RIT2: variants seen among roughly 807,000 people sequenced by gnomAD.
RIT2 encodes GTP-binding protein Rit2.
In RIT2, 24 loss-of-function variants were observed where a neutral mutation model predicts 23.7. That is an observed-to-expected ratio of 1.01 (90% CI 0.73 to 1.43). The LOEUF is 1.43. Among genes scored for constraint, RIT2 ranks in the 40% most tolerant of loss-of-function variants. The pLI is 0.00. For missense variants in RIT2, 236 were observed against 266.9 expected (o/e 0.88, Z 0.81); for synonymous variants, 107 against 91.1 (o/e 1.17, Z -0.99).
intron 4 of RIT2, among the ~76,000 whole-genome samples, chr18:42,790,600 T>C (rs1015313789): frequency 2.6e-5 from 4 of 152,176 alleles, no homozygotes; most frequent in Non-Finnish European, 4.4e-5. Flanking sequence ...AGCAAATTTT[T>C]GTATTTTTAG....
intron 1 of RIT2, among the ~76,000 whole-genome samples, chr18:43,078,918 T>C (rs1021650327): frequency 3.3e-5 from 5 of 152,150 alleles, no homozygotes; most frequent in East Asian, 3.8e-4. Context: ...GCAGGGACAC[T>C]GTAAAAGATG....
rs940821894 is a variant in RIT2, at chr18:43,081,542, A to G, written c.103+33875T>C. ...TGACTTCATATGTGCTCTTACCACT[A>G]TTCATCAGGAGTTCTCCACCTTGAG... On this transcript the variant is annotated intron_variant, in intron 1 of 4. Coordinates refer to ENST00000326695, the MANE Select transcript of RIT2 (RefSeq NM_002930.4). Among the ~76,000 whole-genome samples the G allele has an allele frequency of 3.9e-5, 6 of 152,268 alleles. No individual in the cohort carries two copies. In the East Asian group the frequency reaches 1.2e-3, roughly 29 times the overall value.
At chr18:42,822,199 G>A (rs1906171655) in intron 4 of RIT2, among the ~76,000 whole-genome samples, 1 of 152,088 alleles carries the variant, frequency 6.6e-6, no homozygotes, top group South Asian at 2.1e-4. Context: ...GTTTGAAACT[G>A]TTTTATTTTT....
intron 3 of RIT2, among the ~76,000 whole-genome samples, chr18:42,937,051 G>C (rs1313952353): frequency 6.6e-6 from 1 of 151,470 alleles, no homozygotes; most frequent in Non-Finnish European, 1.5e-5. Context: ...TGACTTGAGG[G>C]AACCACAAAC....
In RIT2 at chr18:43,115,541, A is replaced by G. The variant is rs1011517877; in HGVS notation, c.-22T>C. ...CCATCTTACCCGAGGGACCGGAGGA[A>G]AAAAAGAAGGAGAAAGTCACCCGTG... On this transcript the variant is annotated 5_prime_UTR_variant, in exon 1 of 5. Transcript: ENST00000326695. The G allele has an allele frequency of 5.0e-6, 8 of 1,601,548 alleles. No homozygotes were observed. Among genetic ancestry groups the G allele is most frequent in the Non-Finnish European group, 6.8e-6 (8 of 1,176,668 alleles).
At chr18:43,094,114 G>GTTTTT (rs796958736) in intron 1 of RIT2, among the ~76,000 whole-genome samples, 2 of 63,486 alleles carry the variant, frequency 3.2e-5, no homozygotes, top group Non-Finnish European at 7.5e-5. Context: ...GTATTAGTGG[G>GTTTTT]TTTTTTTTGT....
rs1163795867 is a variant in RIT2 at position 42,995,592 on chromosome 18, C to T, written c.161-21445G>A. On this transcript the variant is annotated intron_variant, in intron 2 of 4. Transcript: ENST00000326695. ...TTCAGCGAAACCTTTATATCCCTTACAGTCCTCAGTCTTCAGGAAAGGTAC... is the reference window on the plus strand; with the variant it reads ...TTCAGCGAAACCTTTATATCCCTTATAGTCCTCAGTCTTCAGGAAAGGTAC... 2.0e-5 allele frequency among the ~76,000 whole-genome samples: 3 copies of T among 152,174 alleles called. No homozygotes were observed. The East Asian group carries it at 5.8e-4, about 29-fold the overall frequency.
chr18:42,889,150 T>A, intron 4 of RIT2, among the ~76,000 whole-genome samples: 1 of 152,208 alleles, frequency 6.6e-6, no homozygotes, highest in East Asian at 1.9e-4. Context: ...GTCAATTGTA[T>A]CTGTTATATA....
At chr18:43,064,098 G>A (rs1912716129) in intron 1 of RIT2, among the ~76,000 whole-genome samples, 1 of 152,142 alleles carries the variant, frequency 6.6e-6, no homozygotes, top group Non-Finnish European at 1.5e-5. Flanking sequence ...ATTCAATAAG[G>A]TCTGATAAAG....
intron 4 of RIT2, among the ~76,000 whole-genome samples, chr18:42,814,616 T>G (rs533532173): frequency 4.1e-4 from 62 of 152,208 alleles, no homozygotes; most frequent in Non-Finnish European, 7.8e-4. Context: ...CCCTCATCTG[T>G]TGGTCCTCTC....
At chr18:42,993,815 C>T (rs1438292733) in intron 2 of RIT2, among the ~76,000 whole-genome samples, 5 of 152,064 alleles carry the variant, frequency 3.3e-5, no homozygotes, top group Non-Finnish European at 7.4e-5. Context: ...CGATCATGCA[C>T]CCCTTACCAT....
chr18:43,098,697 C>A (rs1341159120), intron 1 of RIT2, among the ~76,000 whole-genome samples: 1 of 151,904 alleles, frequency 6.6e-6, no homozygotes. Context: ...TATAAGAATT[C>A]ATTGGAAGCC....
At chr18:42,920,712 G>C (rs769313125) in intron 4 of RIT2, 8 of 1,594,912 alleles carry the variant, frequency 5.0e-6, no homozygotes, top group South Asian at 2.2e-5. Context: ...ATGAAAAGAA[G>C]CAGCTTCAAC....
rs888006759 is a variant in RIT2 at position 42,789,859 on chromosome 18, T to C, written c.427-46139A>G. On this transcript the variant is annotated intron_variant, in intron 4 of 4. Transcript: ENST00000326695. ...TCTGGCTAGGACTTCCAGTACTATG[T>C]TGAACAGGAGTGGGGAAAGTAGGCA... Among the ~76,000 whole-genome samples, 3 of 152,332 alleles carry C rather than the reference T, an allele frequency of 2.0e-5. 1 individual carries two copies. The East Asian group carries it at 5.8e-4, about 29-fold the overall frequency.
intron 4 of RIT2, among the ~76,000 whole-genome samples, chr18:42,896,195 T>C (rs376391940): frequency 3.3e-5 from 5 of 152,186 alleles, no homozygotes; most frequent in East Asian, 1.9e-4. Flanking sequence ...ACCTGGGAGG[T>C]GGATGTTGCA....
chr18:42,990,912 G>GTTTTTTTTTTTT, intron 2 of RIT2, among the ~76,000 whole-genome samples: 1 of 133,124 alleles, frequency 7.5e-6, no homozygotes, highest in Non-Finnish European at 1.6e-5. Context: ...CACTGGTTTT[G>GTTTTTTTTTTTT]TTTTTTTTTT....
At chr18:42,934,533 C>T (rs1026940470) in intron 3 of RIT2, among the ~76,000 whole-genome samples, 4 of 151,906 alleles carry the variant, frequency 2.6e-5, no homozygotes, top group Non-Finnish European at 5.9e-5. Flanking sequence ...TGTGAGATGC[C>T]TCAAGATGGA....
intron 2 of RIT2, among the ~76,000 whole-genome samples, chr18:42,996,751 A>G (rs1910993981): frequency 6.6e-6 from 1 of 152,072 alleles, no homozygotes; most frequent in African/African-American, 2.4e-5. Context: ...CCAGGTGATT[A>G]AAAGCTTTAT....
At chr18:42,910,463 G>A (rs894567908) in intron 4 of RIT2, among the ~76,000 whole-genome samples, 1 of 152,074 alleles carries the variant, frequency 6.6e-6, no homozygotes, top group African/African-American at 2.4e-5. Flanking sequence ...AACCCTAAAT[G>A]GGAACAGGCA....
Sources: gnomAD v4.1 joint callset for allele counts (sites outside exome capture counted in the v4.1 genomes callset) on GRCh38, gnomAD v4.1.1 for gene constraint, MANE v1.5 for transcripts, NCBI Gene and HGNC (gene_info 2026-07-23, HGNC 2026-07-21) for gene names.